The following CTPS2 variants were observed in gnomAD, a reference collection of about 807,000 sequenced individuals.
The protein encoded by CTPS2 is CTP synthase II.
A neutral mutation model predicts 46.8 loss-of-function variants in CTPS2; 19 were observed. The observed-to-expected ratio is 0.41, with a 90% confidence interval of 0.28 to 0.60. The LOEUF (loss-of-function observed/expected upper bound fraction) is 0.60. Among genes scored for constraint, CTPS2 ranks in the 20% least tolerant of loss-of-function variants. The probability of loss-of-function intolerance (pLI) is 0.35; values close to 1 mark genes in which losing one functional copy is unlikely to be tolerated. For synonymous variants in CTPS2, 151 were observed against 165.2 expected, an observed-to-expected ratio of 0.91 and a Z score of 0.66; for missense variants, 286 against 447.6, an observed-to-expected ratio of 0.64 and a Z score of 3.26.
intron 13 of CTPS2, among the ~76,000 whole-genome samples, chrX:16,643,449 C>G (rs764450504): frequency 9.0e-6 from 1 of 111,015 alleles, no homozygotes; most frequent in Non-Finnish European, 1.9e-5. Context: ...TGAAGCAATC[C>G]GCCCACCTCA....
intron 10 of CTPS2, among the ~76,000 whole-genome samples, chrX:16,676,862 C>A (rs1400104865): frequency 9.0e-6 from 1 of 110,745 alleles, no homozygotes; most frequent in African/African-American, 3.3e-5. Context: ...GAGTTCAAGA[C>A]CAGCCTGGCC....
intron 17 of CTPS2, among the ~76,000 whole-genome samples, chrX:16,598,648 A>G (rs1278418959): frequency 8.9e-6 from 1 of 111,853 alleles, no homozygotes; most frequent in Non-Finnish European, 1.9e-5. Context: ...AATTGGTACC[A>G]TTCCTTCTGA....
intron 14 of CTPS2, among the ~76,000 whole-genome samples, chrX:16,636,768 CA>C (rs748055833): frequency 3.7e-5 from 4 of 107,833 alleles, no homozygotes; most frequent in South Asian, 4.0e-4. Context: ...ACTAAAAATA[CA>C]AAAAAAAATA....
At chrX:16,600,387 C>T (rs189913921) in intron 17 of CTPS2, among the ~76,000 whole-genome samples, 1 of 112,026 alleles carries the variant, frequency 8.9e-6, no homozygotes, top group East Asian at 2.8e-4. Flanking sequence ...GTTTTAAAAA[C>T]AGATTGTCAT....
chrX:16,712,636 G>A lies in CTPS2; in HGVS notation c.-341C>T, dbSNP rs1925549796. On this transcript the variant is annotated 5_prime_UTR_variant, in exon 1 of 19. Coordinates refer to ENST00000359276, the MANE Select transcript of CTPS2 (RefSeq NM_175859.3). Reference sequence around the variant, plus strand: ...CCTAAAAAGTGATTCCTCCAGCACAGGCAGCTCCCGTCACCCTCCGCTCTG... The same window carrying A: ...CCTAAAAAGTGATTCCTCCAGCACAAGCAGCTCCCGTCACCCTCCGCTCTG... 8.8e-6 allele frequency: 1 copy of A among 113,319 alleles called. No homozygotes were observed. Among genetic ancestry groups the A allele is most frequent in the Non-Finnish European group, 1.9e-5 (1 of 53,521 alleles). The allele number at this position is 113,319 out of a possible 1,213,427, so 9.3% of individuals were successfully genotyped here. A position where few individuals can be genotyped will look rare whatever the true frequency, so the allele number is the denominator to read the frequency against.
In CTPS2 at chrX:16,609,604, A is replaced by T; in HGVS notation, c.1628T>A (p.Leu543Gln). 8.3e-7 allele frequency: 1 copy of T among 1,211,037 alleles called. No individual in the cohort carries two copies. Among genetic ancestry groups the T allele is most frequent in the Non-Finnish European group, 1.1e-6 (1 of 894,842 alleles). ...CAGGTTCCCAGTTGCTGCAAGTAAC[A>T]GCCCCAGATACGGAGGGGAAGGCTT... The part of the protein sequence containing the change: ...PMKPSPPYLG[L>Q]LLAATGNLNA... The change falls in exon 17 of 19, where the codon CTG (leucine) becomes CAG (glutamine). Residue 543 changes from leucine (L) to glutamine (Q), a missense_variant. Physicochemically the swap from Leu to Gln is moderately radical, Grantham distance 113. Coordinates refer to ENST00000359276, the MANE Select transcript of CTPS2 (RefSeq NM_175859.3).
intron 13 of CTPS2, chrX:16,654,551 G>A (rs751032045): frequency 1.5e-5 from 12 of 826,508 alleles, no homozygotes; most frequent in Middle Eastern, 2.8e-4. Context: ...GAGGAAGAGC[G>A]CCTGTGCTGT....
intron 9 of CTPS2, among the ~76,000 whole-genome samples, chrX:16,682,350 T>A (rs1186826208): frequency 9.0e-6 from 1 of 111,505 alleles, no homozygotes; most frequent in East Asian, 2.8e-4. Context: ...CTGGGCATGG[T>A]GGCGGGAGTC....
chrX:16,676,056 A>G (rs1922241814), intron 10 of CTPS2, among the ~76,000 whole-genome samples: 1 of 112,168 alleles, frequency 8.9e-6, no homozygotes, highest in Non-Finnish European at 1.9e-5. Context: ...TGATTTGTCC[A>G]GAATTGGGAA....
chrX:16,638,794 C>T (rs1569206533), intron 14 of CTPS2: 1 of 385,137 alleles, frequency 2.6e-6, no homozygotes, highest in Non-Finnish European at 5.1e-6. Flanking sequence ...ATGGAGAGAA[C>T]TGTGGATTCA....
At chrX:16,702,085 C>G (rs1234956282) in intron 2 of CTPS2, among the ~76,000 whole-genome samples, 3 of 110,933 alleles carry the variant, frequency 2.7e-5, no homozygotes, top group African/African-American at 9.8e-5. Context: ...GACAGAGTCT[C>G]GCTCTGTCGC....
At chrX:16,595,726 T>G (rs1929204942) in intron 17 of CTPS2, among the ~76,000 whole-genome samples, 1 of 112,421 alleles carries the variant, frequency 8.9e-6, no homozygotes, top group African/African-American at 3.2e-5. Flanking sequence ...GTGCGCCTAG[T>G]GCCTACCATA....
At chrX:16,662,435 C>T (rs757999473) in intron 13 of CTPS2, among the ~76,000 whole-genome samples, 15 of 111,906 alleles carry the variant, frequency 1.3e-4, no homozygotes, top group African/African-American at 4.2e-4. Context: ...TCTCTTGGAA[C>T]TGTTCTGGAT....
chrX:16,636,753 T>C (rs1317696491), intron 14 of CTPS2, among the ~76,000 whole-genome samples: 1 of 109,063 alleles, frequency 9.2e-6, no homozygotes, highest in Non-Finnish European at 1.9e-5. Flanking sequence ...TGAAACCCCA[T>C]CTCTACTAAA....
intron 4 of CTPS2, among the ~76,000 whole-genome samples, chrX:16,697,175 T>C: frequency 9.0e-6 from 1 of 110,932 alleles, no homozygotes; most frequent in Middle Eastern, 4.6e-3. Flanking sequence ...ATAAGTGACC[T>C]TGCTAGGCTA....
chrX:16,602,944 G>A (rs2147174410), intron 17 of CTPS2, among the ~76,000 whole-genome samples: 1 of 111,475 alleles, frequency 9.0e-6, no homozygotes, highest in East Asian at 2.8e-4. Context: ...TAAGGCCAGT[G>A]GGTGCCCTTT....
At chrX:16,672,725 C>T (rs1359760041) in intron 10 of CTPS2, among the ~76,000 whole-genome samples, 1 of 111,111 alleles carries the variant, frequency 9.0e-6, no homozygotes, top group Non-Finnish European at 1.9e-5. Context: ...AAAGGGAACC[C>T]AGAAGCCTAG....
At chrX:16,602,895 T>C (rs969533464) in intron 17 of CTPS2, among the ~76,000 whole-genome samples, 1 of 111,974 alleles carries the variant, frequency 8.9e-6, no homozygotes, top group Non-Finnish European at 1.9e-5. Context: ...TATAATCTAA[T>C]ACTGTCATTG....
chrX:16,621,704 A>G (rs546967383), intron 14 of CTPS2, among the ~76,000 whole-genome samples: 4 of 111,630 alleles, frequency 3.6e-5, no homozygotes, highest in African/African-American at 9.8e-5. Context: ...GCAGGGAATT[A>G]TCAGACTCTC....
Sources: allele counts gnomAD v4.1 joint callset (sites outside exome capture counted in the v4.1 genomes callset), GRCh38; gene constraint gnomAD v4.1.1; transcripts MANE v1.5; gene names NCBI Gene and HGNC (gene_info 2026-07-23, HGNC 2026-07-21).